Variants in SEC24A observed in about 807,000 individuals in gnomAD.
SEC24A encodes protein transport protein Sec24A.
Under a neutral mutation model 129.4 loss-of-function variants are expected in SEC24A, and 93 were observed. That is an observed-to-expected ratio of 0.72 (90% CI 0.61 to 0.85). SEC24A has a LOEUF of 0.85. Ranked by LOEUF, SEC24A falls within the 40% of genes least tolerant of loss-of-function variation. The pLI is 0.00. For missense variants in SEC24A, 1,264 were observed against 1,307.4 expected, an observed-to-expected ratio of 0.97 and a Z score of 0.51; for synonymous variants, 460 against 467.3, an observed-to-expected ratio of 0.98 and a Z score of 0.20.
At position 134,673,334 on chromosome 5, in the gene SEC24A, A is replaced by G. The variant is rs150201476; in HGVS notation, c.818-1281A>G. On this transcript the variant is annotated intron_variant, in intron 4 of 22. Coordinates refer to ENST00000398844, the MANE Select transcript of SEC24A (RefSeq NM_021982.3). ...CTCCCAAAGTGCTGGGATTACAGGT[A>G]TGAGCCACCTCGCCCTGCCAGGATG... Among the ~76,000 whole-genome samples the G allele has an allele frequency of 1.4e-3, 214 of 152,208 alleles. 1 individual carries two copies. Among genetic ancestry groups the G allele is most frequent in the African/African-American group, 4.1e-3 (170 of 41,542 alleles).
At chr5:134,720,773 C>T (rs1176215428) in intron 20 of SEC24A, among the ~76,000 whole-genome samples, 1 of 152,036 alleles carries the variant, frequency 6.6e-6, no homozygotes, top group East Asian at 1.9e-4. Flanking sequence ...CATGGTGGCA[C>T]ACGCCTGTAG....
At chr5:134,703,663 C>A in intron 15 of SEC24A, 96 bp from the exon 16 acceptor site, 1 of 792,594 alleles carries the variant, frequency 1.3e-6, no homozygotes, top group Non-Finnish European at 2.1e-6. Context: ...ATCTAGATTT[C>A]TTTACTTTTT....
In SEC24A at chr5:134,727,169, T is replaced by C. The variant is rs1561837964; in HGVS notation, c.*2075T>C. The C allele has an allele frequency of 6.6e-6, 1 of 152,542 alleles. No homozygotes were observed. The highest frequency in any genetic ancestry group is 1.5e-5 in the Non-Finnish European group (1 of 67,986). The allele number at this position is 152,542 out of a possible 1,614,324, so 9.4% of individuals were successfully genotyped here. A position where few individuals can be genotyped will look rare whatever the true frequency, so the allele number is the denominator to read the frequency against. ...GTTTGATTCTTTTTTTTTCCCCCAA[T>C]AGGGCACTACCTGCCATATCATCTT... On this transcript the variant is annotated 3_prime_UTR_variant, in exon 23 of 23. Coordinates refer to ENST00000398844, the MANE Select transcript of SEC24A (RefSeq NM_021982.3).
chr5:134,660,680 C>G (rs114212880), intron 1 of SEC24A, among the ~76,000 whole-genome samples: 3,425 of 151,848 alleles, frequency 0.023, 147 homozygotes, highest in African/African-American at 0.078. Context: ...CTCAGCCCCC[C>G]AAGTAGCTAA....
chr5:134,665,435 A>G (rs1750626664), intron 2 of SEC24A, among the ~76,000 whole-genome samples: 1 of 149,966 alleles, frequency 6.7e-6, no homozygotes, highest in African/African-American at 2.4e-5. Context: ...AGCCTGGGGG[A>G]CAAGAGTGAG....
chr5:134,696,977 A>C (rs1751846379), intron 13 of SEC24A, 149 bp from the exon 14 acceptor site: 1 of 478,820 alleles, frequency 2.1e-6, no homozygotes. Context: ...ATGAAAAATC[A>C]AGTAGTACCA....
chr5:134,655,094 G>A (rs1247191878), intron 1 of SEC24A, among the ~76,000 whole-genome samples: 1 of 151,992 alleles, frequency 6.6e-6, no homozygotes, highest in Non-Finnish European at 1.5e-5. Context: ...GCCCGCCTGA[G>A]CCAAAGTGCT....
In SEC24A at chr5:134,697,930, C is replaced by A. The variant is rs751648122; in HGVS notation, c.2139C>A (p.Val713=). 3.1e-6 allele frequency: 5 copies of A among 1,613,618 alleles called. No homozygotes were observed. In the Admixed American group the frequency reaches 8.3e-5, roughly 27 times the overall value. Residue 713 remains valine (V), a synonymous_variant, in exon 15 of 23, where the codon GTC becomes GTA. Transcript: ENST00000398844. ...TTTCTCGGTATTCAGCAGGTAGTGT[C>A]TATTACTATCCCTCTTACCATCATC... is the stretch of plus-strand genomic sequence containing the variant. ...GCISRYSAGS[V]YYYPSYHHQH... is the part of the protein sequence containing the mutation.
chr5:134,688,177 T>A lies in SEC24A; in HGVS notation c.1605-4T>A. The A allele has an allele frequency of 6.4e-7, 1 of 1,551,106 alleles. No individual in the cohort carries two copies. The highest frequency in any genetic ancestry group is 1.1e-5 in the South Asian group (1 of 89,470). On this transcript the variant is annotated splice_region_variant and splice_polypyrimidine_tract_variant and intron_variant, in intron 10 of 22. Coordinates refer to ENST00000398844, the MANE Select transcript of SEC24A (RefSeq NM_021982.3). The stretch of plus-strand genomic sequence containing the variant: ...ATAAAATACTCTTCTGAATTTGTTT[T>A]TAGGCTTCCTGGCAACACTAGAACA...
intron 19 of SEC24A, 110 bp downstream of exon 19, chr5:134,715,271 TTTTA>T (rs1752444175): frequency 2.1e-6 from 2 of 970,756 alleles, no homozygotes; most frequent in Non-Finnish European, 3.0e-6. Context: ...TTAGCTTTTA[TTTTA>T]TTTATTTATT....
chr5:134,704,085 T>C (rs940618517), intron 16 of SEC24A, among the ~76,000 whole-genome samples, 153 bp downstream of exon 16: 2 of 149,690 alleles, frequency 1.3e-5, no homozygotes, highest in African/African-American at 2.5e-5. Context: ...TATTTATTTA[T>C]GTAGAGACAG....
intron 1 of SEC24A, 42 bp downstream of exon 1, chr5:134,649,215 G>C: frequency 7.0e-7 from 1 of 1,430,442 alleles, no homozygotes; most frequent in Non-Finnish European, 9.6e-7. Flanking sequence ...GGCCAGGGCT[G>C]ACTGACCTTT....
intron 18 of SEC24A, among the ~76,000 whole-genome samples, chr5:134,712,231 C>G (rs575775124): frequency 2.0e-5 from 3 of 151,738 alleles, no homozygotes; most frequent in African/African-American, 7.3e-5. Context: ...GTAGGAGTGG[C>G]TTTTGAATCT....
Position 134,697,143 on chromosome 5 carries a change from AT to A in SEC24A, c.2005del (p.Ser669ProfsTer8). 1 of 1,538,254 alleles carries A rather than the reference AT, an allele frequency of 6.5e-7. No homozygotes were observed. Among genetic ancestry groups the A allele is most frequent in the Non-Finnish European group, 9.0e-7 (1 of 1,117,204 alleles). On this transcript the variant is annotated frameshift_variant, in exon 14 of 23. Transcript: ENST00000398844. LOFTEE classifies it high-confidence loss of function. The stretch of plus-strand genomic sequence containing the variant: ...ATAAATAGGATATACACATGACACC[AT>A]CCACTGACTTCTATAAGAAATTAGC... ...SSAKDIHMTP[S>X]TDFYKKLALD...
chr5:134,685,239 T>C (rs762813840), intron 9 of SEC24A, among the ~76,000 whole-genome samples: 2 of 152,018 alleles, frequency 1.3e-5, no homozygotes, highest in Non-Finnish European at 2.9e-5. Context: ...TGTGTGCTTA[T>C]AGTCCCAGGT....
At chr5:134,708,634 T>C (rs1752232231) in intron 17 of SEC24A, 79 bp from the exon 18 acceptor site, 2 of 1,282,092 alleles carry the variant, frequency 1.6e-6, no homozygotes, top group African/African-American at 3.0e-5. Flanking sequence ...TTTTTAAAAA[T>C]TATCTCTTCT....
At chr5:134,667,666 A>C (rs1046543643) in intron 3 of SEC24A, among the ~76,000 whole-genome samples, 9 of 151,206 alleles carry the variant, frequency 6.0e-5, no homozygotes, top group South Asian at 2.1e-4. Flanking sequence ...AAAAAAAAAA[A>C]AACAAAAAAA....
chr5:134,657,059 G>A (rs1180692623), intron 1 of SEC24A, among the ~76,000 whole-genome samples: 2 of 151,682 alleles, frequency 1.3e-5, no homozygotes, highest in African/African-American at 4.8e-5. Flanking sequence ...AATGGTGCAC[G>A]CCTGTAGGCC....
intron 4 of SEC24A, 65 bp from the exon 5 acceptor site, chr5:134,674,550 T>C: frequency 6.8e-7 from 1 of 1,479,502 alleles, no homozygotes; most frequent in Non-Finnish European, 9.1e-7. Context: ...AAAATGTTTT[T>C]TTAAAATAAA....
Sources: allele counts gnomAD v4.1 joint callset (sites outside exome capture counted in the v4.1 genomes callset), GRCh38; gene constraint gnomAD v4.1.1; transcripts MANE v1.5; gene names NCBI Gene and HGNC (gene_info 2026-07-23, HGNC 2026-07-21).